The following EYS variants were observed in gnomAD, a reference collection of about 807,000 sequenced individuals.
EYS encodes protein eyes shut homolog.
Under a neutral mutation model 282.1 loss-of-function variants are expected in EYS, and 250 were observed. The observed-to-expected ratio is 0.89, with a 90% CI of 0.80 to 0.98. The LOEUF is 0.98. EYS is among the 50% of genes least tolerant of loss of function. EYS has a pLI of 0.00. For synonymous variants in EYS, 1,355 were observed against 1,282.9 expected, an observed-to-expected ratio of 1.06 and a Z score of -1.20; for missense variants, 4,016 against 3,709.0, an observed-to-expected ratio of 1.08 and a Z score of -2.15.
intron 31 of EYS, among the ~76,000 whole-genome samples, chr6:64,173,625 C>G (rs1040415100): frequency 6.6e-6 from 1 of 152,018 alleles, no homozygotes; most frequent in Non-Finnish European, 1.5e-5. Flanking sequence ...GTGGTACTAC[C>G]AACAATCTAT....
chr6:64,640,651 A>G (rs912907358), intron 22 of EYS, among the ~76,000 whole-genome samples: 3 of 152,100 alleles, frequency 2.0e-5, no homozygotes, highest in Admixed American at 6.5e-5. Flanking sequence ...GCACACAAGC[A>G]TGGCACATGT....
At chr6:65,582,799 T>C (rs1764914616) in intron 2 of EYS, among the ~76,000 whole-genome samples, 1 of 152,146 alleles carries the variant, frequency 6.6e-6, no homozygotes, top group Non-Finnish European at 1.5e-5. Context: ...GTGTAATAAG[T>C]GACAAAGAAA....
intron 12 of EYS, among the ~76,000 whole-genome samples, chr6:65,153,818 G>T (rs1020874285): frequency 6.6e-6 from 1 of 151,782 alleles, no homozygotes; most frequent in African/African-American, 2.4e-5. Flanking sequence ...CTTTAGGCAT[G>T]ATTTGTTGCA....
chr6:64,593,924 G>A (rs1044016666), intron 24 of EYS, among the ~76,000 whole-genome samples: 13 of 152,056 alleles, frequency 8.5e-5, no homozygotes, highest in African/African-American at 1.9e-4. Context: ...AGAGAGATAC[G>A]TTTATAAATG....
intron 1 of EYS, among the ~76,000 whole-genome samples, chr6:65,672,416 T>C (rs574866420): frequency 1.3e-5 from 2 of 152,186 alleles, no homozygotes; most frequent in African/African-American, 4.8e-5. Flanking sequence ...TAATTAGGAA[T>C]TTACAAATTC....
chr6:65,182,634 C>G (rs780598551), intron 12 of EYS, among the ~76,000 whole-genome samples: 1 of 151,782 alleles, frequency 6.6e-6, no homozygotes, highest in Non-Finnish European at 1.5e-5. Context: ...CCTCACAAAT[C>G]TATTAGTCTC....
chr6:64,720,310 G>A (rs1197398287), intron 22 of EYS, among the ~76,000 whole-genome samples: 2 of 151,986 alleles, frequency 1.3e-5, no homozygotes, highest in South Asian at 2.1e-4. Flanking sequence ...TCCTTCTTAT[G>A]AGGGTCCTTA....
rs183407694 is a variant in EYS, at chr6:63,784,829, C to T, written c.7723+3276G>A. ...TATTATTCTAGAGTTGACAGGGTGT[C>T]TGTTGCGTTCTAGAGCAGGAAAATG... On this transcript the variant is annotated intron_variant, in intron 39 of 42. Coordinates refer to ENST00000503581, the MANE Select transcript of EYS (RefSeq NM_001142800.2). Among the ~76,000 whole-genome samples, 41 of 152,214 alleles carry T rather than the reference C, an allele frequency of 2.7e-4. No homozygotes were observed. The East Asian group carries it at 7.3e-3, about 27-fold the overall frequency.
chr6:64,413,057 G>A (rs540163240), intron 28 of EYS, among the ~76,000 whole-genome samples: 1 of 152,208 alleles, frequency 6.6e-6, no homozygotes, highest in South Asian at 2.1e-4. Context: ...GCAAGGAGCA[G>A]GATTAAAACT....
intron 12 of EYS, among the ~76,000 whole-genome samples, chr6:65,137,754 G>C (rs200326104): frequency 6.6e-6 from 1 of 150,608 alleles, no homozygotes; most frequent in Non-Finnish European, 1.5e-5. Context: ...TATTGAAAGA[G>C]AGGAAGGAAT....
chr6:65,679,317 T>C (rs1768737613), intron 1 of EYS, among the ~76,000 whole-genome samples: 3 of 151,982 alleles, frequency 2.0e-5, no homozygotes, highest in African/African-American at 4.8e-5. Context: ...TGTGTGCATG[T>C]GTGTATGTAA....
chr6:64,294,080 A>G (rs899603880), intron 30 of EYS, among the ~76,000 whole-genome samples: 33 of 80,822 alleles, frequency 4.1e-4, no homozygotes, highest in Admixed American at 1.3e-3. Context: ...AGAAAATGCT[A>G]TAAGAGTTAA....
intron 12 of EYS, among the ~76,000 whole-genome samples, chr6:65,091,933 C>T (rs1403812342): frequency 3.3e-5 from 5 of 152,070 alleles, no homozygotes; most frequent in Non-Finnish European, 7.4e-5. Flanking sequence ...TACGGTCCCT[C>T]GAGTGTTTTT....
At chr6:65,670,588 T>G (rs1022432764) in intron 1 of EYS, among the ~76,000 whole-genome samples, 8 of 152,052 alleles carry the variant, frequency 5.3e-5, no homozygotes, top group Non-Finnish European at 8.8e-5. Context: ...TATTAATAGC[T>G]TATTACATGC....
At chr6:65,619,348 T>C (rs1184961426) in intron 2 of EYS, among the ~76,000 whole-genome samples, 1 of 152,084 alleles carries the variant, frequency 6.6e-6, no homozygotes, top group Non-Finnish European at 1.5e-5. Context: ...GATTTGCCTC[T>C]CTGTTTGTCT....
Position 64,752,367 on chromosome 6 carries a change from T to G in EYS, c.3443+61011A>C, listed in dbSNP as rs139102282. 8.1e-3 allele frequency among the ~76,000 whole-genome samples: 1,233 copies of G among 151,988 alleles called. 20 individuals carry two copies. Among genetic ancestry groups the G allele is most frequent in the Non-Finnish European group, 8.8e-3 (599 of 67,952 alleles). Reference sequence around the variant, plus strand: ...TTATTGAAGGAATTACAAAATATAGTTGAAAGCCTTAACAACAGACTAGAC... The same window carrying G: ...TTATTGAAGGAATTACAAAATATAGGTGAAAGCCTTAACAACAGACTAGAC... On this transcript the variant is annotated intron_variant, in intron 22 of 42. Coordinates refer to ENST00000503581, the MANE Select transcript of EYS (RefSeq NM_001142800.2).
At chr6:64,839,598 G>A (rs150146580) in intron 19 of EYS, among the ~76,000 whole-genome samples, 2 of 152,076 alleles carry the variant, frequency 1.3e-5, no homozygotes, top group East Asian at 3.9e-4. Flanking sequence ...TACTGTCTTA[G>A]CCTGTTTGTA....
At chr6:64,073,318 T>C (rs927450283) in intron 32 of EYS, among the ~76,000 whole-genome samples, 3 of 151,834 alleles carry the variant, frequency 2.0e-5, no homozygotes, top group Non-Finnish European at 4.4e-5. Context: ...CTGACACTAC[T>C]GATGTGTTTC....
At chr6:63,883,580 A>C (rs866535023) in intron 35 of EYS, among the ~76,000 whole-genome samples, 28 of 152,234 alleles carry the variant, frequency 1.8e-4, no homozygotes, top group African/African-American at 6.5e-4. Context: ...AGAATCCTCG[A>C]AGTAGGGACT....
Sources: gnomAD v4.1 joint callset for allele counts (sites outside exome capture counted in the v4.1 genomes callset) on GRCh38, gnomAD v4.1.1 for gene constraint, MANE v1.5 for transcripts, NCBI Gene and HGNC (gene_info 2026-07-23, HGNC 2026-07-21) for gene names.